GNB2: variants seen among roughly 807,000 people sequenced by gnomAD.
GNB2 encodes the protein guanine nucleotide-binding protein G(I)/G(S)/G(T) subunit beta-2.
A neutral mutation model predicts 40.7 loss-of-function variants in GNB2; 7 were observed. The observed-to-expected ratio is 0.17, with a 90% CI of 0.10 to 0.32. The LOEUF (loss-of-function observed/expected upper bound fraction) is 0.32. Ranked by LOEUF, GNB2 falls within the 10% of genes least tolerant of loss-of-function variation. GNB2 has a pLI of 1.00. For missense variants in GNB2, 286 were observed against 473.0 expected, an observed-to-expected ratio of 0.60 and a Z score of 3.67; for synonymous variants, 254 against 191.2, an observed-to-expected ratio of 1.33 and a Z score of -2.71.
At chr7:100,677,153 T>C (rs1435181647) in intron 4 of GNB2, 199 bp from the exon 5 acceptor site, 4 of 603,026 alleles carry the variant, frequency 6.6e-6, no homozygotes, top group Non-Finnish European at 1.2e-5. Context: ...GCTCACCTTG[T>C]AGTCCCAGCT....
Position 100,678,974 on chromosome 7 carries a change from G to A in GNB2, c.*173G>A. 1 of 596,074 alleles carries A rather than the reference G, an allele frequency of 1.7e-6. No homozygotes were observed. Among genetic ancestry groups the A allele is most frequent in the Non-Finnish European group, 3.0e-6 (1 of 331,726 alleles). 36.9% of individuals were successfully genotyped at this position (596,074 alleles called of 1,614,324 possible). ...CCCGGGGCCCCCACTGTGGAGATAA[G>A]AAGGGGATGGAATGGGGGAAGAGGA... On this transcript the variant is annotated 3_prime_UTR_variant, in exon 10 of 10. Coordinates refer to ENST00000303210, the MANE Select transcript of GNB2 (RefSeq NM_005273.4).
At chr7:100,677,727 C>A (rs570532805) in intron 6 of GNB2, 25 bp from the exon 7 acceptor site, 3 of 1,613,328 alleles carry the variant, frequency 1.9e-6, no homozygotes. Context: ...CGTGTGGAGA[C>A]CTGGCTGACC....
At chr7:100,676,383 T>C in intron 2 of GNB2, 61 bp downstream of exon 2, 2 of 1,443,820 alleles carry the variant, frequency 1.4e-6, no homozygotes, top group Non-Finnish European at 9.7e-7. Context: ...CTGGACCGGG[T>C]TGGGTGAGGG....
At position 100,678,179 on chromosome 7, in the gene GNB2, C is replaced by G. The variant is rs141859943; in HGVS notation, c.579C>G (p.Ala193=). 1.2e-6 allele frequency: 2 copies of G among 1,613,890 alleles called. No homozygotes were observed. Among genetic ancestry groups the G allele is most frequent in the African/African-American group, 1.3e-5 (1 of 75,070 alleles). ...GGGATGTGATGTCCCTGTCCCTGGC[C>G]CCCGATGGCCGCACGTTTGTGTCAG... ...HSGDVMSLSL[A]PDGRTFVSGA... The change falls in exon 8 of 10, where the codon GCC becomes GCG. Residue 193 remains alanine (A), a synonymous_variant. Transcript: ENST00000303210.
intron 1 of GNB2, among the ~76,000 whole-genome samples, chr7:100,675,123 G>C (rs1176980124): frequency 2.0e-5 from 3 of 151,252 alleles, no homozygotes; most frequent in African/African-American, 7.3e-5. Context: ...GGCTCCCGGA[G>C]CGGAGCCAGC....
Position 100,674,033 on chromosome 7 carries a change from T to A in GNB2, c.-90+110T>A, listed in dbSNP as rs190286674. On this transcript the variant is annotated intron_variant, in intron 1 of 9. Transcript: ENST00000303210. ...CTGGCCTCCTGGGAGCGGACGTAACTCCCCAGACCTCCGCTCCCTTCCCCT... is the reference window on the plus strand; with the variant it reads ...CTGGCCTCCTGGGAGCGGACGTAACACCCCAGACCTCCGCTCCCTTCCCCT... 2.6e-4 allele frequency: 39 copies of A among 152,768 alleles called. No individual in the cohort carries two copies. The East Asian group carries it at 7.5e-3, about 30-fold the overall frequency. 9.5% of individuals were successfully genotyped at this position (152,768 alleles called of 1,614,324 possible).
chr7:100,675,989 A>C, intron 1 of GNB2, 188 bp from the exon 2 acceptor site: 4 of 429,344 alleles, frequency 9.3e-6, no homozygotes, highest in Non-Finnish European at 1.7e-5. Flanking sequence ...GGCGGGAGGA[A>C]GATTGGGGAA....
At chr7:100,676,627 G>C in intron 3 of GNB2, 54 bp downstream of exon 3, 1 of 1,557,244 alleles carries the variant, frequency 6.4e-7, no homozygotes, top group East Asian at 2.2e-5. Flanking sequence ...GCAAGGATCA[G>C]AGGCCGCTGC....
intron 7 of GNB2, 71 bp from the exon 8 acceptor site, chr7:100,678,027 G>A: frequency 2.3e-6 from 3 of 1,324,176 alleles, no homozygotes; most frequent in Non-Finnish European, 3.3e-6. Flanking sequence ...TCACGTGGTG[G>A]GGCGGGGAGA....
At position 100,678,003 on chromosome 7, in the gene GNB2, C is replaced by G. The variant is rs1804393348; in HGVS notation, c.498-95C>G. 5 of 1,166,414 alleles carry G rather than the reference C, an allele frequency of 4.3e-6. No individual in the cohort carries two copies. The African/African-American group carries it at 6.0e-5, about 14-fold the overall frequency. The allele number at this position is 1,166,414 out of a possible 1,614,324, so 72.3% of individuals were successfully genotyped here. ...CTGAGAAGAGCCTCCCTGGACCCTT[C>G]CACAGGGTTGGGCTCACGTGGTGGG... On this transcript the variant is annotated intron_variant, in intron 7 of 9. Transcript: ENST00000303210.
At chr7:100,675,658 G>T (rs1283713498) in intron 1 of GNB2, 1 of 152,482 alleles carries the variant, frequency 6.6e-6, no homozygotes, top group Non-Finnish European at 1.5e-5. Flanking sequence ...CTCTCGGTCC[G>T]GGTGACGGTT....
At position 100,677,740 on chromosome 7, in the gene GNB2, C is replaced by A. The variant is rs372802339; in HGVS notation, c.431-12C>A. 3 of 1,613,682 alleles carry A rather than the reference C, an allele frequency of 1.9e-6. No homozygotes were observed. The East Asian group carries it at 6.7e-5, about 36-fold the overall frequency. On this transcript the variant is annotated splice_polypyrimidine_tract_variant and intron_variant, in intron 6 of 9. Coordinates refer to ENST00000303210, the MANE Select transcript of GNB2 (RefSeq NM_005273.4). ...TCCGTGTGGAGACCTGGCTGACCAG[C>A]TCCTTCCCCAGGGTACCTGTCGTGT...
chr7:100,678,045 C>T (rs565561031), intron 7 of GNB2, 53 bp from the exon 8 acceptor site: 6 of 1,436,752 alleles, frequency 4.2e-6, no homozygotes, highest in Middle Eastern at 1.8e-4. Context: ...AGAACAGGGA[C>T]TCTGTTCTTC....
intron 1 of GNB2, among the ~76,000 whole-genome samples, chr7:100,675,013 G>A (rs953973666): frequency 6.6e-6 from 1 of 152,154 alleles, no homozygotes; most frequent in Non-Finnish European, 1.5e-5. Context: ...AACGCCCTGC[G>A]CCTGGGGGAA....
At chr7:100,676,980 G>A in intron 4 of GNB2, 181 bp downstream of exon 4, 1 of 600,192 alleles carries the variant, frequency 1.7e-6, no homozygotes, top group South Asian at 2.0e-5. Flanking sequence ...AGAACTTGTG[G>A]GCTGCAGCTG....
At chr7:100,678,341 C>T (rs1038338672) in intron 8 of GNB2, 42 bp downstream of exon 8, 1 of 1,602,060 alleles carries the variant, frequency 6.2e-7, no homozygotes, top group Middle Eastern at 1.7e-4. Context: ...CCCCACCAGG[C>T]TCCCGGCCCT....
At chr7:100,677,989 C>A in intron 7 of GNB2, 109 bp from the exon 8 acceptor site, 1 of 1,078,098 alleles carries the variant, frequency 9.3e-7, no homozygotes, top group Non-Finnish European at 1.4e-6. Context: ...TGAGAAGAGC[C>A]TCCCTGGACC....
At chr7:100,677,989 C>T (rs1050570933) in intron 7 of GNB2, 109 bp from the exon 8 acceptor site, 4 of 1,077,980 alleles carry the variant, frequency 3.7e-6, no homozygotes, top group Admixed American at 1.9e-5. Context: ...TGAGAAGAGC[C>T]TCCCTGGACC....
intron 1 of GNB2, chr7:100,675,776 A>ATT: frequency 6.4e-6 from 1 of 156,594 alleles, no homozygotes; most frequent in Non-Finnish European, 1.4e-5. Context: ...TGTGGGGTGA[A>ATT]TTTCAAGAGG....
Sources: gnomAD v4.1 joint callset for allele counts (sites outside exome capture counted in the v4.1 genomes callset) on GRCh38, gnomAD v4.1.1 for gene constraint, MANE v1.5 for transcripts, NCBI Gene and HGNC (gene_info 2026-07-23, HGNC 2026-07-21) for gene names.